Variants in NHP2 observed in about 807,000 individuals in gnomAD.
The protein encoded by NHP2 is H/ACA ribonucleoprotein complex subunit 2.
Under a neutral mutation model 16.7 loss-of-function variants are expected in NHP2, and 10 were observed. That is an observed-to-expected ratio of 0.60 (90% confidence interval 0.37 to 1.01). The LOEUF (loss-of-function observed/expected upper bound fraction) is 1.01. Ranked by LOEUF, NHP2 falls within the 50% of genes least tolerant of loss-of-function variation. The probability of loss-of-function intolerance (pLI) is 0.01; values close to 1 mark genes in which losing one functional copy is unlikely to be tolerated. For synonymous variants in NHP2, 87 were observed against 78.9 expected (o/e 1.10, Z -0.54); for missense variants, 184 against 198.3 (o/e 0.93, Z 0.43).
At chr5:178,149,860 T>C (rs748734070) in intron 3 of NHP2, 22 bp from the exon 4 acceptor site, 76 of 1,611,680 alleles carry the variant, frequency 4.7e-5, no homozygotes, top group Non-Finnish European at 5.9e-5. Context: ...AAAGAAGTGC[T>C]GTTTGGAAAA....
intron 2 of NHP2, among the ~76,000 whole-genome samples, chr5:178,152,114 C>G (rs1756292297): frequency 6.6e-6 from 1 of 152,186 alleles, no homozygotes; most frequent in Non-Finnish European, 1.5e-5. Flanking sequence ...TCCAGGACTA[C>G]AGTAGTCTAC....
chr5:178,149,891 C>T, intron 3 of NHP2, 53 bp from the exon 4 acceptor site: 9 of 1,599,276 alleles, frequency 5.6e-6, no homozygotes, highest in African/African-American at 1.3e-5. Flanking sequence ...ACCTGTATGC[C>T]AGGAAGTCAC....
chr5:178,151,074 A>G, intron 2 of NHP2, 81 bp from the exon 3 acceptor site: 2 of 1,195,048 alleles, frequency 1.7e-6, no homozygotes, highest in Non-Finnish European at 2.5e-6. Flanking sequence ...GCTGGGTCTT[A>G]GGGATAGAGA....
Position 178,149,682 on chromosome 5 carries a change from G to A in NHP2, c.*31C>T, listed in dbSNP as rs944016113. The A allele has an allele frequency of 6.2e-6, 10 of 1,611,562 alleles. No homozygotes were observed. In the Admixed American group the frequency reaches 8.3e-5, roughly 13 times the overall value. On this transcript the variant is annotated 3_prime_UTR_variant, in exon 4 of 4. Transcript: ENST00000274606. ...CCTGCTGCCAGCCCAATAGCTTCCA[G>A]CGGCAGGTGCCCAGGTGCTACCGGA... is the stretch of plus-strand genomic sequence containing the variant.
rs1042566153 is a variant in NHP2 at position 178,153,518 on chromosome 5, T to G, written c.203A>C (p.Gln68Pro). ...TTTTTCTCCTTTGTTGACAAATTTC[T>G]GAACCTCTTTCACCCCGCGCCGAAT... ...KQIRRGVKEV[Q>P]KFVNKGEKGI... The change falls in exon 2 of 4, where the codon CAG (glutamine) becomes CCG (proline). Residue 68 changes from glutamine (Q) to proline (P), a missense_variant. Coordinates refer to ENST00000274606, the MANE Select transcript of NHP2 (RefSeq NM_017838.4). 3.1e-6 allele frequency: 5 copies of G among 1,614,240 alleles called. No individual in the cohort carries two copies. Among genetic ancestry groups the G allele is most frequent in the Non-Finnish European group, 4.2e-6 (5 of 1,180,036 alleles).
intron 3 of NHP2, chr5:178,150,399 G>A: frequency 4.0e-6 from 1 of 251,224 alleles, no homozygotes; most frequent in Non-Finnish European, 8.0e-6. Flanking sequence ...TTTTTTTTGA[G>A]ACAGGGCCTC....
In NHP2 at chr5:178,153,651, G is replaced by C. The variant is rs749322394; in HGVS notation, c.160+7C>G. The C allele has an allele frequency of 6.2e-7, 1 of 1,613,210 alleles. No individual in the cohort carries two copies. Among genetic ancestry groups the C allele is most frequent in the East Asian group, 2.2e-5 (1 of 44,854 alleles). ...ACCCATCCCGGCCACGCCGCCGTCCGCCTCACCTTTCTTGATGCATTTGTA... is the reference window on the plus strand; with the variant it reads ...ACCCATCCCGGCCACGCCGCCGTCCCCCTCACCTTTCTTGATGCATTTGTA... On this transcript the variant is annotated splice_region_variant and intron_variant, in intron 1 of 3. Transcript: ENST00000274606.
At chr5:178,153,632 C>G in intron 1 of NHP2, 26 bp downstream of exon 1, 1 of 1,613,824 alleles carries the variant, frequency 6.2e-7, no homozygotes, top group East Asian at 2.2e-5. Flanking sequence ...GCGCACCCAT[C>G]CCGGCCACGC....
At chr5:178,152,961 G>C (rs1218207612) in intron 2 of NHP2, among the ~76,000 whole-genome samples, 5 of 152,234 alleles carry the variant, frequency 3.3e-5, no homozygotes, top group Admixed American at 3.3e-4. Flanking sequence ...CGTGGCGCAA[G>C]CCGGTGGTCT....
Position 178,151,597 on chromosome 5 carries a change from G to A in NHP2, c.231-604C>T, listed in dbSNP as rs531103483. On this transcript the variant is annotated intron_variant, in intron 2 of 3. Transcript: ENST00000274606. ...ACACACAAGGACAGAGCCCTCGGCT[G>A]AAAGAATGCTTCCGCACTCCTAGTG... Among the ~76,000 whole-genome samples, 4 of 152,316 alleles carry A rather than the reference G, an allele frequency of 2.6e-5. No individual in the cohort carries two copies. In the East Asian group the frequency reaches 7.7e-4, roughly 29 times the overall value.
chr5:178,149,991 C>G (rs1340396247), intron 3 of NHP2, 153 bp from the exon 4 acceptor site: 1 of 775,646 alleles, frequency 1.3e-6, no homozygotes, highest in African/African-American at 1.7e-5. Flanking sequence ...TGGTTGCCAT[C>G]ATTTAAACTC....
intron 2 of NHP2, 151 bp from the exon 3 acceptor site, chr5:178,151,144 A>C: frequency 2.7e-6 from 2 of 732,508 alleles, no homozygotes. Context: ...GGCAACATAC[A>C]GGTGCCACCA....
intron 3 of NHP2, 163 bp from the exon 4 acceptor site, chr5:178,150,001 C>T: frequency 1.4e-6 from 1 of 720,202 alleles, no homozygotes; most frequent in South Asian, 1.9e-5. Flanking sequence ...CATTTAAACT[C>T]AATCAGACTT....
chr5:178,151,061 T>TAAGACCCAGCCCA, intron 2 of NHP2, 68 bp from the exon 3 acceptor site: 1 of 1,360,534 alleles, frequency 7.4e-7, no homozygotes, highest in Non-Finnish European at 1.1e-6. Context: ...AGTGCTGCCC[T>TAAGACCCAGCCCA]GGGCTGGGTC....
intron 3 of NHP2, 60 bp downstream of exon 3, chr5:178,150,828 T>C (rs767652210): frequency 1.8e-6 from 2 of 1,089,232 alleles, no homozygotes; most frequent in Non-Finnish European, 2.9e-6. Context: ...TCTCCTGCTA[T>C]GGCAGACTAT....
At chr5:178,149,865 G>A in intron 3 of NHP2, 27 bp from the exon 4 acceptor site, 1 of 1,610,116 alleles carries the variant, frequency 6.2e-7, no homozygotes, top group Non-Finnish European at 8.5e-7. Flanking sequence ...AGTGCTGTTT[G>A]GAAAAAAGCT....
rs780366903 is a variant in NHP2, at chr5:178,153,848, A to G, written c.-31T>C. 1.9e-6 allele frequency: 3 copies of G among 1,591,566 alleles called. No homozygotes were observed. The highest frequency in any genetic ancestry group is 2.6e-6 in the Non-Finnish European group (3 of 1,169,368). ...CGGCCGCTGAAACCTAGTCCCAGGG[A>G]GGCGAGCCCACGCGGTCCACAGCTT... On this transcript the variant is annotated 5_prime_UTR_variant, in exon 1 of 4. Transcript: ENST00000274606.
chr5:178,150,753 A>T (rs757121378), intron 3 of NHP2, 135 bp downstream of exon 3: 1 of 778,604 alleles, frequency 1.3e-6, no homozygotes, highest in South Asian at 1.4e-5. Context: ...AAAACTAAGA[A>T]GATGTGGAGC....
intron 2 of NHP2, chr5:178,153,118 T>G (rs1756317098): frequency 2.8e-6 from 1 of 363,216 alleles, no homozygotes; most frequent in Non-Finnish European, 5.3e-6. Flanking sequence ...TTCAGTTCCT[T>G]AAATACAGAG....
Sources: allele counts gnomAD v4.1 joint callset (sites outside exome capture counted in the v4.1 genomes callset), GRCh38; gene constraint gnomAD v4.1.1; transcripts MANE v1.5; gene names NCBI Gene and HGNC (gene_info 2026-07-23, HGNC 2026-07-21).